The following TMIGD3 variants were observed in gnomAD, a reference collection of about 807,000 sequenced individuals.
TMIGD3 encodes the protein AD026 protein (AD026).
TMIGD3 carries 21 observed loss-of-function variants against 28.1 expected under a neutral mutation model. That is an observed-to-expected ratio of 0.75 (90% CI 0.53 to 1.08). The LOEUF is 1.08. Among genes scored for constraint, TMIGD3 ranks in the 50% least tolerant of loss-of-function variants. The probability of loss-of-function intolerance (pLI) is 0.00; values close to 1 mark genes in which losing one functional copy is unlikely to be tolerated. For synonymous variants in TMIGD3, 151 were observed against 162.1 expected (o/e 0.93, Z 0.52); for missense variants, 416 against 435.6 (o/e 0.96, Z 0.40).
At chr1:111,533,221 A>G (rs570169485) in intron 1 of TMIGD3, among the ~76,000 whole-genome samples, 7 of 152,262 alleles carry the variant, frequency 4.6e-5, no homozygotes, top group African/African-American at 1.7e-4. Flanking sequence ...CTGACACTTC[A>G]TATTTAAGTG....
intron 1 of TMIGD3, chr1:111,499,676 G>A (rs1421478051): frequency 2.5e-6 from 3 of 1,218,924 alleles, no homozygotes; most frequent in Non-Finnish European, 3.1e-6. Context: ...TCTTCTATTG[G>A]GAAGAAGGAA....
At chr1:111,551,318 T>A (rs1657249321) in intron 1 of TMIGD3, among the ~76,000 whole-genome samples, 1 of 152,194 alleles carries the variant, frequency 6.6e-6, no homozygotes. Context: ...TGCACCTCAG[T>A]TCCTCCGTTA....
At chr1:111,554,530 T>C (rs1483777178) in intron 1 of TMIGD3, among the ~76,000 whole-genome samples, 2 of 152,170 alleles carry the variant, frequency 1.3e-5, no homozygotes, top group African/African-American at 2.4e-5. Context: ...AAGTCTCAGG[T>C]CTACACAAAT....
At position 111,483,513 on chromosome 1, in the gene TMIGD3, A is replaced by G; in HGVS notation, c.*174T>C. 1 of 648,458 alleles carries G rather than the reference A, an allele frequency of 1.5e-6. No individual in the cohort carries two copies. Among genetic ancestry groups the G allele is most frequent in the Non-Finnish European group, 2.8e-6 (1 of 358,706 alleles). 40.2% of individuals were successfully genotyped at this position (648,458 alleles called of 1,614,324 possible). A position where few individuals can be genotyped will look rare whatever the true frequency, so the allele number is the denominator to read the frequency against. On this transcript the variant is annotated 3_prime_UTR_variant, in exon 6 of 6. Coordinates refer to ENST00000369716, the MANE Select transcript of TMIGD3 (RefSeq NM_020683.7). ...CAGCCTTGCTTGGGTGTGGTCTATC[A>G]TAGCTCCTCTGACTACCGCCGTTGC...
chr1:111,512,978 C>A (rs962570614), intron 1 of TMIGD3, among the ~76,000 whole-genome samples: 2 of 152,178 alleles, frequency 1.3e-5, no homozygotes, highest in Admixed American at 6.5e-5. Context: ...TCCACCCTTG[C>A]CAAGAAGCAG....
chr1:111,543,064 G>A (rs1656903409), intron 1 of TMIGD3, among the ~76,000 whole-genome samples: 1 of 152,002 alleles, frequency 6.6e-6, no homozygotes, highest in Non-Finnish European at 1.5e-5. Flanking sequence ...TCTCCCAGTG[G>A]GTTATAAAAT....
intron 1 of TMIGD3, among the ~76,000 whole-genome samples, chr1:111,524,028 C>CTTTTTTTTTTTTTTTTTTTTTTTTTTT: frequency 9.2e-6 from 1 of 108,788 alleles, no homozygotes; most frequent in Non-Finnish European, 1.8e-5. Flanking sequence ...TCTTTCTTTT[C>CTTTTTTTTTTTTTTTTTTTTTTTTTTT]TTTTTTTTTT....
At chr1:111,488,127 T>A (rs2100957275) in intron 3 of TMIGD3, among the ~76,000 whole-genome samples, 1 of 152,236 alleles carries the variant, frequency 6.6e-6, no homozygotes, top group African/African-American at 2.4e-5. Context: ...TATTAAATTA[T>A]TTAAGTTGAC....
upstream of TMIGD3, among the ~76,000 whole-genome samples, chr1:111,508,269 G>A (rs1010301171): frequency 3.3e-5 from 5 of 152,234 alleles, no homozygotes; most frequent in Admixed American, 3.3e-4. Context: ...CTGAACTCAA[G>A]GCACTCAGAA....
intron 1 of TMIGD3, among the ~76,000 whole-genome samples, chr1:111,531,723 A>G (rs1228710131): frequency 6.6e-6 from 1 of 151,886 alleles, no homozygotes; most frequent in Non-Finnish European, 1.5e-5. Flanking sequence ...AAAATTATTT[A>G]TTTATTTATT....
At chr1:111,559,875 T>G (rs1337924662) in intron 1 of TMIGD3, among the ~76,000 whole-genome samples, 1 of 152,194 alleles carries the variant, frequency 6.6e-6, no homozygotes, top group Non-Finnish European at 1.5e-5. Context: ...CAGCATAAAT[T>G]ACTAAGTCTA....
chr1:111,501,324 C>A (rs1310489370), intron 1 of TMIGD3: 4 of 152,064 alleles, frequency 2.6e-5, no homozygotes, highest in Non-Finnish European at 5.9e-5. Context: ...AGTAAGAGTC[C>A]CCATTGCTCC....
intron 1 of TMIGD3, among the ~76,000 whole-genome samples, chr1:111,540,840 C>G (rs183951039): frequency 1.7e-4 from 26 of 152,330 alleles, no homozygotes; most frequent in Non-Finnish European, 3.4e-4. Context: ...GGAATTCATC[C>G]TCTGATTTTC....
intron 1 of TMIGD3, among the ~76,000 whole-genome samples, chr1:111,559,782 A>T (rs906288231): frequency 7.9e-5 from 12 of 152,252 alleles, no homozygotes; most frequent in Non-Finnish European, 1.3e-4. Flanking sequence ...TAAAAGCCAT[A>T]ACATGAGTCT....
intron 1 of TMIGD3, among the ~76,000 whole-genome samples, chr1:111,523,810 T>C (rs1418428317): frequency 2.0e-5 from 3 of 151,994 alleles, no homozygotes; most frequent in Non-Finnish European, 4.4e-5. Flanking sequence ...TATGTGCCCT[T>C]TTTAATTCTT....
chr1:111,486,751 G>A, intron 3 of TMIGD3, 99 bp from the exon 4 acceptor site: 2 of 1,002,172 alleles, frequency 2.0e-6, no homozygotes, highest in Non-Finnish European at 3.2e-6. Flanking sequence ...TGTCCAGAGA[G>A]TGAGTCCCCT....
At chr1:111,523,781 TGTGTGTGGGA>T (rs1221989100) in intron 1 of TMIGD3, among the ~76,000 whole-genome samples, 4 of 152,040 alleles carry the variant, frequency 2.6e-5, no homozygotes, top group Middle Eastern at 3.2e-3. Flanking sequence ...ATCCTTTCAG[TGTGTGTGGGA>T]GCCGTAGTTA....
At chr1:111,492,643 A>G (rs916442369) in intron 1 of TMIGD3, among the ~76,000 whole-genome samples, 1 of 151,894 alleles carries the variant, frequency 6.6e-6, no homozygotes, top group Non-Finnish European at 1.5e-5. Context: ...GTGAAACCCC[A>G]TCTCTACTAT....
At chr1:111,551,808 T>C (rs961378311) in intron 1 of TMIGD3, among the ~76,000 whole-genome samples, 3 of 150,768 alleles carry the variant, frequency 2.0e-5, no homozygotes, top group Non-Finnish European at 4.4e-5. Context: ...TCTGCAACTT[T>C]ATTGGGGCAT....
Sources: gnomAD v4.1 joint callset for allele counts (sites outside exome capture counted in the v4.1 genomes callset) on GRCh38, gnomAD v4.1.1 for gene constraint, MANE v1.5 for transcripts, NCBI Gene and HGNC (gene_info 2026-07-23, HGNC 2026-07-21) for gene names.